Variants in DUSP4 observed in about 807,000 individuals in gnomAD.
DUSP4 encodes the protein dual specificity protein phosphatase 4.
Under a neutral mutation model 27.2 loss-of-function variants are expected in DUSP4, and 12 were observed. That is an observed-to-expected ratio of 0.44 (90% CI 0.28 to 0.71). DUSP4 has a LOEUF of 0.71. DUSP4 is among the 30% of genes least tolerant of loss of function. The pLI, the probability that DUSP4 is intolerant of heterozygous loss-of-function variation, is 0.14. For missense variants in DUSP4, 448 were observed against 551.3 expected, an observed-to-expected ratio of 0.81 and a Z score of 1.88; for synonymous variants, 257 against 245.2, an observed-to-expected ratio of 1.05 and a Z score of -0.45.
rs1271932237 is a variant in DUSP4 at position 29,335,857 on chromosome 8, A to T, written c.*1169T>A. On this transcript the variant is annotated 3_prime_UTR_variant, in exon 4 of 4. Coordinates refer to ENST00000240100, the MANE Select transcript of DUSP4 (RefSeq NM_001394.7). Reference sequence around the variant, plus strand: ...AGTCTTAGGCAGGTTTATGCAAAAAATGCTGCAACCACCCAGTGATCATCG... The same window carrying T: ...AGTCTTAGGCAGGTTTATGCAAAAATTGCTGCAACCACCCAGTGATCATCG... The T allele has an allele frequency of 6.6e-6, 1 of 152,214 alleles. No individual in the cohort carries two copies. Among genetic ancestry groups the T allele is most frequent in the Non-Finnish European group, 1.5e-5 (1 of 68,042 alleles). 9.4% of individuals were successfully genotyped at this position (152,214 alleles called of 1,614,324 possible).
At position 29,337,252 on chromosome 8, in the gene DUSP4, T is replaced by C. The variant is rs1817591409; in HGVS notation, c.959A>G (p.Asn320Ser). 1 of 1,613,586 alleles carries C rather than the reference T, an allele frequency of 6.2e-7. No individual in the cohort carries two copies. Among genetic ancestry groups the C allele is most frequent in the East Asian group, 2.2e-5 (1 of 44,884 alleles). The change falls in exon 4 of 4, where the codon AAC (asparagine) becomes AGC (serine). Residue 320 changes from asparagine to serine, a missense_variant. This residue lies in a region of DUSP4 where 100 missense variants were observed against 139.8 expected (regional missense o/e 0.72). Transcript: ENST00000240100. This position sits in a 1 kb window ranked among gnomAD's most constrained non-coding sequence, Gnocchi z 6.4. ...VKQRRSIISP[N>S]FSFMGQLLQF... ...CAGCAGCTGCCCCATGAAGCTGAAGTTGGGCGAGATGATGCTGCGGCGCTG... is the reference window on the plus strand; with the variant it reads ...CAGCAGCTGCCCCATGAAGCTGAAGCTGGGCGAGATGATGCTGCGGCGCTG...
In DUSP4 at chr8:29,334,681, C is replaced by G. The variant is rs1196922702; in HGVS notation, c.*2345G>C. ...CAAGCATCCCCTCTGTCCTGTCTCT[C>G]TGCTGCTGGGACCCAGGGCTTTTTC... On this transcript the variant is annotated 3_prime_UTR_variant, in exon 4 of 4. Transcript: ENST00000240100. 1 of 152,294 alleles carries G rather than the reference C, an allele frequency of 6.6e-6. No homozygotes were observed. The highest frequency in any genetic ancestry group is 2.4e-5 in the African/African-American group (1 of 41,460). 9.4% of individuals were successfully genotyped at this position (152,294 alleles called of 1,614,324 possible).
chr8:29,346,037 C>T (rs896242511), intron 1 of DUSP4: 3 of 985,282 alleles, frequency 3.0e-6, no homozygotes, highest in Non-Finnish European at 2.4e-6. Flanking sequence ...TGCCATTGCC[C>T]TCCTGGGGAA....
Position 29,337,454 on chromosome 8 carries a change from C to A in DUSP4, c.800-43G>T, listed in dbSNP as rs763446218. 9 of 1,541,566 alleles carry A rather than the reference C, an allele frequency of 5.8e-6. No individual in the cohort carries two copies. The highest frequency in any genetic ancestry group is 7.8e-6 in the Non-Finnish European group (9 of 1,149,340). On this transcript the variant is annotated intron_variant, in intron 3 of 3. Coordinates refer to ENST00000240100, the MANE Select transcript of DUSP4 (RefSeq NM_001394.7). The surrounding 1 kb of genome is among the most constrained non-coding windows in gnomAD (Gnocchi z 6.4). ...TAGGTTAGTGCACGTTTCTGCAGAC[C>A]CCAGCCCCGACCAGGGGCACCGGCC...
At chr8:29,345,613 G>A in intron 1 of DUSP4, 1 of 1,486,314 alleles carries the variant, frequency 6.7e-7, no homozygotes, top group South Asian at 1.4e-5. Context: ...TTTTTTTCAA[G>A]GAATTTCTTG....
intron 3 of DUSP4, 113 bp downstream of exon 3, chr8:29,338,169 G>C (rs1817605233): frequency 5.5e-6 from 6 of 1,083,052 alleles, no homozygotes; most frequent in Non-Finnish European, 8.2e-6. Context: ...AGGGGGAATG[G>C]GGACCCTTGG....
At chr8:29,347,244 G>T (rs1399416314) in intron 1 of DUSP4, among the ~76,000 whole-genome samples, 1 of 152,222 alleles carries the variant, frequency 6.6e-6, no homozygotes, top group Admixed American at 6.5e-5. Flanking sequence ...GAAGGGAGGT[G>T]TATCTGGAGA....
At chr8:29,345,592 G>A (rs892594188) in intron 1 of DUSP4, 1 of 1,503,876 alleles carries the variant, frequency 6.6e-7, no homozygotes, top group African/African-American at 1.4e-5. Flanking sequence ...TCTGGTTTCA[G>A]ATGTTCTGAT....
At position 29,337,803 on chromosome 8, in the gene DUSP4, A is replaced by G. The variant is rs1817600834; in HGVS notation, c.800-392T>C. Among the ~76,000 whole-genome samples, 1 of 152,112 alleles carries G rather than the reference A, an allele frequency of 6.6e-6. No individual in the cohort carries two copies. The highest frequency in any genetic ancestry group is 2.1e-4 in the South Asian group (1 of 4,806). On this transcript the variant is annotated intron_variant, in intron 3 of 3. Transcript: ENST00000240100. This position sits in a 1 kb window ranked among gnomAD's most constrained non-coding sequence, Gnocchi z 6.4. Reference sequence around the variant, plus strand: ...AAACTGTCTCTACAAAAATACAAAAATTAGCTGGGCGTGGTGGTGCACTTG... The same window carrying G: ...AAACTGTCTCTACAAAAATACAAAAGTTAGCTGGGCGTGGTGGTGCACTTG...
chr8:29,338,623 C>T, intron 2 of DUSP4, 122 bp from the exon 3 acceptor site: 2 of 1,128,924 alleles, frequency 1.8e-6, no homozygotes, highest in Non-Finnish European at 2.5e-6. Flanking sequence ...CCTGCTGGGC[C>T]TGGCCCTCCC....
chr8:29,345,802 T>TAAC (rs1817725061), intron 1 of DUSP4: 2 of 1,220,266 alleles, frequency 1.6e-6, no homozygotes, highest in Non-Finnish European at 2.0e-6. Context: ...CTTTTGTTAG[T>TAAC]TGGAGACATC....
In DUSP4 at chr8:29,350,419, G is replaced by T; in HGVS notation, c.-141C>A. On this transcript the variant is annotated 5_prime_UTR_variant, in exon 1 of 4. Coordinates refer to ENST00000240100, the MANE Select transcript of DUSP4 (RefSeq NM_001394.7). ...AAACTTGGTCCTCAAGGGCTCCCGC[G>T]GGAGAGCCTCTTCTTCCCTGTCCCC... The T allele has an allele frequency of 1.0e-6, 1 of 978,724 alleles. No individual in the cohort carries two copies. The highest frequency in any genetic ancestry group is 1.5e-6 in the Non-Finnish European group (1 of 687,326). 60.6% of individuals were successfully genotyped at this position (978,724 alleles called of 1,614,324 possible). A position where few individuals can be genotyped will look rare whatever the true frequency, so the allele number is the denominator to read the frequency against.
chr8:29,341,407 C>G (rs755595768), intron 1 of DUSP4, among the ~76,000 whole-genome samples: 10 of 152,216 alleles, frequency 6.6e-5, no homozygotes, highest in Non-Finnish European at 1.3e-4. Flanking sequence ...CAAATCCCAA[C>G]CCTAAAGACT....
At chr8:29,347,973 C>CG (rs1341024810) in intron 1 of DUSP4, 7 of 985,414 alleles carry the variant, frequency 7.1e-6, no homozygotes, top group Non-Finnish European at 8.4e-6. Context: ...TCCCCGGGAG[C>CG]GGGGCCTAAG....
At chr8:29,345,335 G>A in intron 1 of DUSP4, 4 of 1,610,742 alleles carry the variant, frequency 2.5e-6, no homozygotes, top group Non-Finnish European at 3.4e-6. Context: ...TAAATGCTGA[G>A]CTGTATTTAA....
chr8:29,335,852 A>G lies in DUSP4; in HGVS notation c.*1174T>C, dbSNP rs192896325. On this transcript the variant is annotated 3_prime_UTR_variant, in exon 4 of 4. Coordinates refer to ENST00000240100, the MANE Select transcript of DUSP4 (RefSeq NM_001394.7). ...AGACAAGTCTTAGGCAGGTTTATGC[A>G]AAAAATGCTGCAACCACCCAGTGAT... The G allele has an allele frequency of 6.6e-6, 1 of 152,338 alleles. No individual in the cohort carries two copies. The highest frequency in any genetic ancestry group is 2.4e-5 in the African/African-American group (1 of 41,580). The allele number at this position is 152,338 out of a possible 1,614,324, so 9.4% of individuals were successfully genotyped here.
intron 2 of DUSP4, among the ~76,000 whole-genome samples, chr8:29,338,815 G>A (rs1165734469): frequency 6.6e-6 from 1 of 152,256 alleles, no homozygotes; most frequent in Non-Finnish European, 1.5e-5. Flanking sequence ...GGCACCATCT[G>A]TGACACTGAG....
At chr8:29,349,063 G>GC (rs2117278701) in intron 1 of DUSP4, among the ~76,000 whole-genome samples, 1 of 152,316 alleles carries the variant, frequency 6.6e-6, no homozygotes, top group African/African-American at 2.4e-5. Flanking sequence ...CGAGAGTTTC[G>GC]CCAGGGCTCG....
Position 29,336,777 on chromosome 8 carries a change from C to A in DUSP4, c.*249G>T. On this transcript the variant is annotated 3_prime_UTR_variant, in exon 4 of 4. Coordinates refer to ENST00000240100, the MANE Select transcript of DUSP4 (RefSeq NM_001394.7). ...GGAAAAGTGAAACTGACACATAAAC[C>A]AAACCAAGGTCTTCCCTGGCTGCTG... is the stretch of plus-strand genomic sequence containing the variant. The A allele has an allele frequency of 2.1e-6, 1 of 472,656 alleles. No individual in the cohort carries two copies. Among genetic ancestry groups the A allele is most frequent in the Non-Finnish European group, 3.6e-6 (1 of 279,716 alleles). The allele number at this position is 472,656 out of a possible 1,614,324, so 29.3% of individuals were successfully genotyped here.
Sources: allele counts gnomAD v4.1 joint callset (sites outside exome capture counted in the v4.1 genomes callset), GRCh38; gene constraint gnomAD v4.1.1; regional missense constraint gnomAD v4.1.1; non-coding constraint Gnocchi (gnomAD v3.1); transcripts MANE v1.5; gene names NCBI Gene and HGNC (gene_info 2026-07-23, HGNC 2026-07-21).